Variants in FUT8 observed in about 807,000 individuals in gnomAD.
The protein encoded by FUT8 is alpha-(1,6)-fucosyltransferase.
Under a neutral mutation model 71.3 loss-of-function variants are expected in FUT8, and 29 were observed. The observed-to-expected ratio is 0.41, with a 90% CI of 0.30 to 0.55. FUT8 has a LOEUF of 0.55. Ranked by LOEUF, FUT8 falls within the 20% of genes least tolerant of loss-of-function variation. The pLI is 0.34. For missense variants in FUT8, 544 were observed against 702.1 expected (o/e 0.77, Z 2.55); for synonymous variants, 254 against 239.3 (o/e 1.06, Z -0.57).
intron 1 of FUT8, among the ~76,000 whole-genome samples, chr14:65,438,213 A>G (rs899500735): frequency 6.6e-6 from 1 of 151,166 alleles, no homozygotes; most frequent in Non-Finnish European, 1.5e-5. Flanking sequence ...TTACATTCAC[A>G]TGTTACCTTC....
At chr14:65,425,307 A>G (rs2065366942) in intron 1 of FUT8, among the ~76,000 whole-genome samples, 1 of 151,884 alleles carries the variant, frequency 6.6e-6, no homozygotes, top group Non-Finnish European at 1.5e-5. Context: ...CTGGGATTAA[A>G]GGCATGCACC....
Position 65,721,859 on chromosome 14 carries a change from C to T in FUT8, c.920C>T (p.Ala307Val). Residue 307 changes from alanine (A) to valine (V), a missense_variant, in exon 8 of 11, where the codon GCT (alanine) becomes GTT (valine). Coordinates refer to ENST00000673929, the MANE Select transcript of FUT8 (RefSeq NM_001371533.1). ...LHPRPPYLPL[A>V]VPEDLADRLV... is the part of the protein sequence containing the mutation. ...CCCCGTCCTCCATATTTACCCTTGG[C>T]TGTACCAGAAGACCTCGCAGATCGA... 1 of 1,614,218 alleles carries T rather than the reference C, an allele frequency of 6.2e-7. No homozygotes were observed. The highest frequency in any genetic ancestry group is 8.5e-7 in the Non-Finnish European group (1 of 1,180,046).
chr14:65,422,621 C>T (rs1488331430), intron 1 of FUT8, among the ~76,000 whole-genome samples: 2 of 152,048 alleles, frequency 1.3e-5, no homozygotes, highest in African/African-American at 4.8e-5. Flanking sequence ...GCCTCAGCCT[C>T]CCGAATAGCT....
chr14:65,615,882 T>TATG, intron 3 of FUT8, 96 bp from the exon 4 acceptor site: 1 of 816,550 alleles, frequency 1.2e-6, no homozygotes, highest in Non-Finnish European at 1.9e-6. Context: ...TTCAACAACT[T>TATG]ATGGAGTTTA....
At chr14:65,474,107 T>C (rs2139649396) in intron 2 of FUT8, among the ~76,000 whole-genome samples, 1 of 152,076 alleles carries the variant, frequency 6.6e-6, no homozygotes, top group East Asian at 1.9e-4. Context: ...CGCAAAGGCA[T>C]ACAGAATAGT....
intron 7 of FUT8, among the ~76,000 whole-genome samples, chr14:65,706,603 A>G (rs7154856): frequency 0.017 from 2,569 of 152,262 alleles, 71 homozygotes; most frequent in African/African-American, 0.059. Context: ...CAACAGATTC[A>G]GTGTCTGATG....
the FUT8 span, among the ~76,000 whole-genome samples, chr14:65,383,648 A>T: frequency 6.6e-6 from 1 of 151,946 alleles, no homozygotes; most frequent in Non-Finnish European, 1.5e-5. Context: ...ATTCTCTAAA[A>T]CCATTCCTAG....
chr14:65,685,387 A>T (rs1357800279), intron 7 of FUT8, among the ~76,000 whole-genome samples: 1 of 152,204 alleles, frequency 6.6e-6, no homozygotes, highest in Non-Finnish European at 1.5e-5. Context: ...ATAGTTTGAA[A>T]TGGTAAATAT....
At chr14:65,683,517 T>A (rs571895717) in intron 7 of FUT8, among the ~76,000 whole-genome samples, 2 of 152,292 alleles carry the variant, frequency 1.3e-5, no homozygotes, top group East Asian at 1.9e-4. Context: ...TTGTAAACAG[T>A]GCCAAAAATA....
chr14:65,691,162 C>T (rs1181728172), intron 7 of FUT8, among the ~76,000 whole-genome samples: 3 of 151,278 alleles, frequency 2.0e-5, no homozygotes, highest in Non-Finnish European at 2.9e-5. Context: ...GGATTTCCTA[C>T]ATAAATGACC....
At chr14:65,739,920 A>G (rs1180366373) in intron 10 of FUT8, among the ~76,000 whole-genome samples, 1 of 152,040 alleles carries the variant, frequency 6.6e-6, no homozygotes, top group Non-Finnish European at 1.5e-5. Flanking sequence ...ATCTAATTAC[A>G]TTAGATAATG....
At chr14:65,717,853 A>G (rs1301389048) in intron 7 of FUT8, among the ~76,000 whole-genome samples, 1 of 152,106 alleles carries the variant, frequency 6.6e-6, no homozygotes, top group Non-Finnish European at 1.5e-5. Flanking sequence ...TTTTCTTGAA[A>G]TCTATTTTGT....
intron 10 of FUT8, 93 bp from the exon 11 acceptor site, chr14:65,742,000 C>T (rs1375330426): frequency 9.1e-6 from 9 of 986,704 alleles, no homozygotes; most frequent in Admixed American, 8.7e-5. Flanking sequence ...CAACCTCTTA[C>T]TCCTAGAGCC....
At chr14:65,525,116 G>T (rs1385379117) in intron 2 of FUT8, among the ~76,000 whole-genome samples, 3 of 152,112 alleles carry the variant, frequency 2.0e-5, no homozygotes, top group Non-Finnish European at 2.9e-5. Context: ...TTCTATTGAT[G>T]GGAATAGTTT....
chr14:65,598,269 C>CGT (rs1888100480), intron 3 of FUT8, among the ~76,000 whole-genome samples: 3 of 151,954 alleles, frequency 2.0e-5, no homozygotes, highest in Non-Finnish European at 4.4e-5. Context: ...GTTGCCCGGG[C>CGT]TGGAGTGTAG....
At chr14:65,506,893 G>A (rs915949317) in intron 2 of FUT8, among the ~76,000 whole-genome samples, 1 of 152,128 alleles carries the variant, frequency 6.6e-6, no homozygotes, top group South Asian at 2.1e-4. Flanking sequence ...ACCCTGACCC[G>A]GCCACGGATG....
At chr14:65,650,298 CAAAAAAAAAA>C (rs869168766) in intron 6 of FUT8, among the ~76,000 whole-genome samples, 1,107 of 39,642 alleles carry the variant, frequency 0.028, 9 homozygotes, top group Non-Finnish European at 0.034. Flanking sequence ...GACTCTGTCT[CAAAAAAAAAA>C]AAAAAAAAAA....
At chr14:65,601,275 G>A (rs1888275296) in intron 3 of FUT8, among the ~76,000 whole-genome samples, 1 of 152,116 alleles carries the variant, frequency 6.6e-6, no homozygotes, top group African/African-American at 2.4e-5. Flanking sequence ...AGTGGAACTG[G>A]CTTCTCCATG....
chr14:65,460,779 A>T (rs1178201929), intron 2 of FUT8, among the ~76,000 whole-genome samples: 1 of 152,184 alleles, frequency 6.6e-6, no homozygotes, highest in Non-Finnish European at 1.5e-5. Flanking sequence ...TGGATCTTTC[A>T]GTGGTGGCGA....
Sources: allele counts gnomAD v4.1 joint callset (sites outside exome capture counted in the v4.1 genomes callset), GRCh38; gene constraint gnomAD v4.1.1; transcripts MANE v1.5; gene names NCBI Gene and HGNC (gene_info 2026-07-23, HGNC 2026-07-21).